The following GNG12 variants were observed in gnomAD, a reference collection of about 807,000 sequenced individuals.
GNG12 encodes guanine nucleotide-binding protein G(I)/G(S)/G(O) subunit gamma-12.
For missense variants in GNG12, 69 were observed against 83.8 expected, an observed-to-expected ratio of 0.82 and a Z score of 0.69; for synonymous variants, 28 against 29.7, an observed-to-expected ratio of 0.94 and a Z score of 0.19.
At chr1:67,758,903 G>A (rs1422876423) in intron 2 of GNG12, among the ~76,000 whole-genome samples, 1 of 152,160 alleles carries the variant, frequency 6.6e-6, no homozygotes, top group East Asian at 1.9e-4. Flanking sequence ...AGGGGGGGAT[G>A]AAAAGTTGGT....
At chr1:67,821,018 A>G (rs1646981705) in intron 1 of GNG12, among the ~76,000 whole-genome samples, 1 of 152,198 alleles carries the variant, frequency 6.6e-6, no homozygotes, top group Non-Finnish European at 1.5e-5. Flanking sequence ...CTTTAAATAT[A>G]TCAGTAGCTG....
chr1:67,821,215 A>T (rs1646982917), intron 1 of GNG12, among the ~76,000 whole-genome samples: 1 of 152,240 alleles, frequency 6.6e-6, no homozygotes, highest in African/African-American at 2.4e-5. Context: ...TGCATTATGC[A>T]ATTAAGGTTA....
rs560043810 is a variant in GNG12 at position 67,812,225 on chromosome 1, T to C, written c.-77+21119A>G. Among the ~76,000 whole-genome samples, 13 of 151,898 alleles carry C rather than the reference T, an allele frequency of 8.6e-5. No individual in the cohort carries two copies. The South Asian group carries it at 2.5e-3, about 29-fold the overall frequency. On this transcript the variant is annotated intron_variant, in intron 1 of 3. Coordinates refer to ENST00000370982, the MANE Select transcript of GNG12 (RefSeq NM_018841.6). ...TCTGGCAATGAGGATCTGCTGCAGC[T>C]TATTGGAAAAAAAAATCTGTATCAA...
intron 1 of GNG12, among the ~76,000 whole-genome samples, chr1:67,827,626 C>T (rs1233037982): frequency 6.6e-6 from 1 of 152,010 alleles, no homozygotes; most frequent in Non-Finnish European, 1.5e-5. Flanking sequence ...GGGGTTTCAT[C>T]ATGTTAGCCA....
chr1:67,728,519 C>T (rs1479627849), intron 2 of GNG12, among the ~76,000 whole-genome samples: 1 of 152,146 alleles, frequency 6.6e-6, no homozygotes, highest in African/African-American at 2.4e-5. Flanking sequence ...CCAATTTAAG[C>T]TTTTGATACT....
At chr1:67,784,210 A>G (rs898924206) in intron 1 of GNG12, among the ~76,000 whole-genome samples, 4 of 138,070 alleles carry the variant, frequency 2.9e-5, no homozygotes, top group African/African-American at 8.1e-5. Flanking sequence ...GTAAACTATC[A>G]CAAGAACAAA....
chr1:67,758,472 C>A (rs983060717), intron 2 of GNG12, among the ~76,000 whole-genome samples: 6 of 152,190 alleles, frequency 3.9e-5, no homozygotes, highest in Non-Finnish European at 7.3e-5. Context: ...CAGCAGACCC[C>A]TCTCTGCTCT....
intron 1 of GNG12, among the ~76,000 whole-genome samples, chr1:67,781,679 T>C (rs1399994783): frequency 6.6e-6 from 1 of 152,126 alleles, no homozygotes; most frequent in African/African-American, 2.4e-5. Flanking sequence ...GCCATTTGAT[T>C]GTTCAGGTGA....
intron 2 of GNG12, among the ~76,000 whole-genome samples, chr1:67,735,805 TCA>T (rs1050989670): frequency 6.6e-6 from 1 of 151,964 alleles, no homozygotes; most frequent in Non-Finnish European, 1.5e-5. Flanking sequence ...TCCTAAACCA[TCA>T]CAGAGTACAA....
At chr1:67,742,797 A>G (rs1646489769) in intron 2 of GNG12, among the ~76,000 whole-genome samples, 1 of 152,164 alleles carries the variant, frequency 6.6e-6, no homozygotes, top group Non-Finnish European at 1.5e-5. Context: ...CTGGTGGTAT[A>G]TGGGCATACA....
intron 2 of GNG12, among the ~76,000 whole-genome samples, chr1:67,738,784 C>T (rs927601980): frequency 2.0e-5 from 3 of 152,138 alleles, no homozygotes; most frequent in Admixed American, 6.5e-5. Context: ...AAGCTGGGGG[C>T]ATGAGGATTG....
intron 2 of GNG12, among the ~76,000 whole-genome samples, chr1:67,717,410 G>C (rs903419290): frequency 6.6e-6 from 1 of 151,958 alleles, no homozygotes; most frequent in Non-Finnish European, 1.5e-5. Flanking sequence ...CAGCTACTGG[G>C]GAGGCTGAGG....
In GNG12 at chr1:67,808,566, AAAGATTC is replaced by A. The variant is rs1213931624; in HGVS notation, c.-77+24771_-77+24777del. On this transcript the variant is annotated intron_variant, in intron 1 of 3. Transcript: ENST00000370982. ...GTAAAAAATCTGAAAAAACTGACAAAAAGATTCCTGGAACTAGTGAGAAATAATAGCA... is the reference window on the plus strand; with the variant it reads ...GTAAAAAATCTGAAAAAACTGACAAACTGGAACTAGTGAGAAATAATAGCA... 2.0e-5 allele frequency among the ~76,000 whole-genome samples: 3 copies of A among 152,274 alleles called. No individual in the cohort carries two copies. In the East Asian group the frequency reaches 5.8e-4, roughly 29 times the overall value.
At chr1:67,725,275 G>A (rs1234919770) in intron 2 of GNG12, among the ~76,000 whole-genome samples, 1 of 152,140 alleles carries the variant, frequency 6.6e-6, no homozygotes, top group African/African-American at 2.4e-5. Context: ...TGCAAAATAG[G>A]ATACTTAATT....
chr1:67,814,128 T>C (rs1646940893), intron 1 of GNG12, among the ~76,000 whole-genome samples: 1 of 152,066 alleles, frequency 6.6e-6, no homozygotes. Context: ...TTTCCCACCT[T>C]TAAAAGTAAA....
chr1:67,758,366 GT>G (rs1646582388), intron 2 of GNG12, among the ~76,000 whole-genome samples: 1 of 152,218 alleles, frequency 6.6e-6, no homozygotes, highest in African/African-American at 2.4e-5. Flanking sequence ...AAGGATTAAT[GT>G]GGCCTGGGTC....
At chr1:67,786,985 GTA>G (rs1239863220) in intron 1 of GNG12, among the ~76,000 whole-genome samples, 127 of 119,020 alleles carry the variant, frequency 1.1e-3, no homozygotes, top group Admixed American at 2.4e-3. Context: ...GTGTGTGTGT[GTA>G]TGTATATATA....
intron 2 of GNG12, among the ~76,000 whole-genome samples, chr1:67,750,390 G>C (rs1313345594): frequency 6.6e-6 from 1 of 152,152 alleles, no homozygotes; most frequent in Non-Finnish European, 1.5e-5. Context: ...CTTGCTTTGT[G>C]GGCTCAGGCA....
chr1:67,738,777 CTGGGGGCA>C (rs1327371768), intron 2 of GNG12, among the ~76,000 whole-genome samples: 1 of 152,202 alleles, frequency 6.6e-6, no homozygotes, highest in Non-Finnish European at 1.5e-5. Context: ...ACTCCTGAAG[CTGGGGGCA>C]TGAGGATTGC....
Sources: gnomAD v4.1 joint callset for allele counts (sites outside exome capture counted in the v4.1 genomes callset) on GRCh38, gnomAD v4.1.1 for gene constraint, MANE v1.5 for transcripts, NCBI Gene and HGNC (gene_info 2026-07-23, HGNC 2026-07-21) for gene names.